The following AMPH variants were observed in gnomAD, a reference collection of about 807,000 sequenced individuals.
AMPH encodes the protein amphiphysin (Stiff-Mann syndrome with breast cancer 128kD autoantigen).
AMPH carries 49 observed loss-of-function variants against 99.1 expected under a neutral mutation model. That is an observed-to-expected ratio of 0.49 (90% CI 0.39 to 0.63). The LOEUF (loss-of-function observed/expected upper bound fraction) is 0.63, where lower values mean the gene tolerates loss of function less well. Among genes scored for constraint, AMPH ranks in the 20% least tolerant of loss-of-function variants. The probability of loss-of-function intolerance (pLI) is 0.00; values close to 1 mark genes in which losing one functional copy is unlikely to be tolerated. For synonymous variants in AMPH, 314 were observed against 317.3 expected (o/e 0.99, Z 0.11); for missense variants, 759 against 863.4 (o/e 0.88, Z 1.52).
chr7:38,510,188 C>G (rs1789486743), intron 2 of AMPH, among the ~76,000 whole-genome samples: 1 of 152,176 alleles, frequency 6.6e-6, no homozygotes, highest in Non-Finnish European at 1.5e-5. Flanking sequence ...GGCCTCTCTC[C>G]TTGGCTTGCA....
chr7:38,384,784 C>T lies in AMPH; in HGVS notation c.*34G>A, dbSNP rs1476095429. 12 of 1,566,962 alleles carry T rather than the reference C, an allele frequency of 7.7e-6. No homozygotes were observed. Among genetic ancestry groups the T allele is most frequent in the South Asian group, 4.4e-5 (4 of 89,958 alleles). ...GGTTTTCATGAAGGTTTAAAAACCCCGTAACTGAGCTCCTTCTTGCAGTAC... is the reference window on the plus strand; with the variant it reads ...GGTTTTCATGAAGGTTTAAAAACCCTGTAACTGAGCTCCTTCTTGCAGTAC... On this transcript the variant is annotated 3_prime_UTR_variant, in exon 21 of 21. Transcript: ENST00000356264.
intron 17 of AMPH, among the ~76,000 whole-genome samples, chr7:38,415,058 A>G (rs1233654000): frequency 6.6e-6 from 1 of 152,186 alleles, no homozygotes; most frequent in Non-Finnish European, 1.5e-5. Flanking sequence ...TTTTAAATGC[A>G]TCCTGTAGAC....
At chr7:38,551,398 TC>T (rs1791175785) in intron 1 of AMPH, among the ~76,000 whole-genome samples, 2 of 152,176 alleles carry the variant, frequency 1.3e-5, no homozygotes, top group Non-Finnish European at 2.9e-5. Flanking sequence ...GGAAGAATAG[TC>T]AATGCTTCTT....
At chr7:38,590,276 G>A (rs550789729) in intron 1 of AMPH, among the ~76,000 whole-genome samples, 33 of 152,256 alleles carry the variant, frequency 2.2e-4, no homozygotes, top group African/African-American at 7.7e-4. Flanking sequence ...GAACAATGGT[G>A]AGCCTTTAGC....
In AMPH at chr7:38,417,955, G is replaced by A; in HGVS notation, c.1273-5C>T. The A allele has an allele frequency of 6.2e-7, 1 of 1,613,066 alleles. No homozygotes were observed. On this transcript the variant is annotated splice_region_variant and splice_polypyrimidine_tract_variant and intron_variant, in intron 16 of 20. Transcript: ENST00000356264. ...TGGAGCCTGTTCAGATTCAGCCTTG[G>A]AGTGTTTGTTTTGAGGGTTAGAGGA...
chr7:38,551,374 A>T (rs1338972323), intron 1 of AMPH, among the ~76,000 whole-genome samples: 1 of 152,160 alleles, frequency 6.6e-6, no homozygotes, highest in Admixed American at 6.5e-5. Flanking sequence ...CCCTGTTCTG[A>T]TCATCTGCAA....
chr7:38,455,414 G>A (rs1488338719), intron 11 of AMPH, among the ~76,000 whole-genome samples: 5 of 152,158 alleles, frequency 3.3e-5, no homozygotes, highest in Non-Finnish European at 7.4e-5. Flanking sequence ...GCCGACTAAA[G>A]AAAACTAGTA....
At chr7:38,392,669 G>T (rs572201756) in intron 18 of AMPH, 2 of 153,170 alleles carry the variant, frequency 1.3e-5, no homozygotes, top group African/African-American at 4.8e-5. Flanking sequence ...ACAGGCGTGA[G>T]CCACCACGCC....
chr7:38,508,411 T>C (rs1384861255), intron 2 of AMPH, among the ~76,000 whole-genome samples: 2 of 152,230 alleles, frequency 1.3e-5, no homozygotes, highest in Non-Finnish European at 2.9e-5. Context: ...ATGGTCAGTG[T>C]AGCACTAACT....
At chr7:38,448,808 C>T (rs1786891616) in intron 11 of AMPH, among the ~76,000 whole-genome samples, 1 of 152,156 alleles carries the variant, frequency 6.6e-6, no homozygotes, top group Admixed American at 6.5e-5. Flanking sequence ...TTTACATAAT[C>T]CTGAAATGCT....
intron 1 of AMPH, among the ~76,000 whole-genome samples, chr7:38,556,018 T>G (rs922846904): frequency 3.9e-5 from 6 of 152,064 alleles, no homozygotes; most frequent in Admixed American, 3.9e-4. Context: ...GGGTACTATG[T>G]TCAGAATCCA....
chr7:38,463,557 A>G (rs554812597), intron 9 of AMPH, among the ~76,000 whole-genome samples: 1 of 152,344 alleles, frequency 6.6e-6, no homozygotes, highest in Non-Finnish European at 1.5e-5. Context: ...GAATCTTGCC[A>G]TGTCACAATC....
intron 2 of AMPH, among the ~76,000 whole-genome samples, chr7:38,512,141 T>C (rs1789564250): frequency 6.6e-6 from 1 of 152,190 alleles, no homozygotes. Context: ...CACTTAAAAA[T>C]ATGTCTGGTT....
At chr7:38,526,999 G>A (rs1047953866) in intron 2 of AMPH, among the ~76,000 whole-genome samples, 4 of 152,272 alleles carry the variant, frequency 2.6e-5, no homozygotes, top group African/African-American at 9.6e-5. Context: ...AGTTACTATG[G>A]CACCGTTTGT....
intron 11 of AMPH, among the ~76,000 whole-genome samples, chr7:38,441,202 C>A (rs536606869): frequency 3.9e-5 from 6 of 152,048 alleles, no homozygotes; most frequent in Admixed American, 3.3e-4. Context: ...TTTATGCACT[C>A]AATTAGAGAG....
chr7:38,450,865 T>C (rs12535679), intron 11 of AMPH, among the ~76,000 whole-genome samples: 16,717 of 151,736 alleles, frequency 0.11, 1,335 homozygotes, highest in East Asian at 0.28. Context: ...GTCATCAAGT[T>C]AGAAGAAAAG....
At chr7:38,405,172 T>A (rs1003856313) in intron 17 of AMPH, among the ~76,000 whole-genome samples, 3 of 152,188 alleles carry the variant, frequency 2.0e-5, no homozygotes, top group Admixed American at 1.3e-4. Flanking sequence ...TAAAAGAATT[T>A]GTCACCACTA....
At chr7:38,608,898 T>C (rs1793527560) in intron 1 of AMPH, among the ~76,000 whole-genome samples, 1 of 152,212 alleles carries the variant, frequency 6.6e-6, no homozygotes, top group Non-Finnish European at 1.5e-5. Context: ...ATATGAGAGT[T>C]CTAAGCAACA....
chr7:38,526,857 G>T (rs1790210382), intron 2 of AMPH, among the ~76,000 whole-genome samples: 1 of 152,090 alleles, frequency 6.6e-6, no homozygotes, highest in African/African-American at 2.4e-5. Context: ...AGATCCCAAA[G>T]ATTTTCTCCT....
Sources: gnomAD v4.1 joint callset for allele counts (sites outside exome capture counted in the v4.1 genomes callset) on GRCh38, gnomAD v4.1.1 for gene constraint, MANE v1.5 for transcripts, NCBI Gene and HGNC (gene_info 2026-07-23, HGNC 2026-07-21) for gene names.